The following SNTG1 variants were observed in gnomAD, a reference collection of about 807,000 sequenced individuals.
SNTG1 encodes syntrophin gamma 1, also known as gamma-1-syntrophin.
A neutral mutation model predicts 74.7 loss-of-function variants in SNTG1; 39 were observed. The ratio of observed to expected loss-of-function variants is 0.52; its 90% confidence interval spans 0.40 to 0.68. The LOEUF (loss-of-function observed/expected upper bound fraction) is 0.68. Among genes scored for constraint, SNTG1 ranks in the 30% least tolerant of loss-of-function variants. The probability of loss-of-function intolerance (pLI) is 0.00; values close to 1 mark genes in which losing one functional copy is unlikely to be tolerated. For synonymous variants in SNTG1, 254 were observed against 217.1 expected (o/e 1.17, Z -1.49); for missense variants, 685 against 609.5 (o/e 1.12, Z -1.30).
Position 50,658,571 on chromosome 8 carries a change from T to C in SNTG1, c.967-21T>C, listed in dbSNP as rs368995163. 10 of 1,535,414 alleles carry C rather than the reference T, an allele frequency of 6.5e-6. No homozygotes were observed. The African/African-American group carries it at 1.2e-4, about 19-fold the overall frequency. ...ATAACTTTCTAAAACAAATTAAACATTATTTTCTTATCTTTTAAAGGTGAC... is the reference window on the plus strand; with the variant it reads ...ATAACTTTCTAAAACAAATTAAACACTATTTTCTTATCTTTTAAAGGTGAC... On this transcript the variant is annotated intron_variant, in intron 14 of 18. Transcript: ENST00000642720.
intron 1 of SNTG1, among the ~76,000 whole-genome samples, chr8:50,032,928 T>G (rs1023062595): frequency 2.0e-5 from 3 of 152,128 alleles, no homozygotes; most frequent in Non-Finnish European, 4.4e-5. Flanking sequence ...TAATCATGCA[T>G]CAGATTTGTC....
chr8:50,035,083 G>A (rs901698546), intron 1 of SNTG1, among the ~76,000 whole-genome samples: 1 of 152,086 alleles, frequency 6.6e-6, no homozygotes, highest in Non-Finnish European at 1.5e-5. Context: ...CTTAGCTAAT[G>A]TGGGATTTCC....
chr8:50,325,836 G>C (rs2090722938), intron 2 of SNTG1, among the ~76,000 whole-genome samples: 1 of 151,842 alleles, frequency 6.6e-6, no homozygotes, highest in Non-Finnish European at 1.5e-5. Flanking sequence ...AAAAGCTTTT[G>C]GTTTTCTACC....
chr8:50,330,746 G>A (rs972607733), intron 2 of SNTG1, among the ~76,000 whole-genome samples: 6 of 152,160 alleles, frequency 3.9e-5, no homozygotes, highest in Admixed American at 3.3e-4. Context: ...AGAAGGGGAA[G>A]GGGGCACAGT....
chr8:50,053,890 C>A lies in SNTG1; in HGVS notation c.-102-118671C>A, dbSNP rs372680717. Among the ~76,000 whole-genome samples, 5 of 152,068 alleles carry A rather than the reference C, an allele frequency of 3.3e-5. No individual in the cohort carries two copies. The South Asian group carries it at 1.0e-3, about 32-fold the overall frequency. Reference sequence around the variant, plus strand: ...CTAAATCCATATTTCCTTTTTCAAGCAATTTTTGAAACACCAAAACTATTG... The same window carrying A: ...CTAAATCCATATTTCCTTTTTCAAGAAATTTTTGAAACACCAAAACTATTG... On this transcript the variant is annotated intron_variant, in intron 1 of 18. Coordinates refer to ENST00000642720, the MANE Select transcript of SNTG1 (RefSeq NM_018967.5).
At chr8:50,131,693 A>G (rs1312895490) in intron 1 of SNTG1, among the ~76,000 whole-genome samples, 2 of 152,104 alleles carry the variant, frequency 1.3e-5, no homozygotes, top group African/African-American at 2.4e-5. Flanking sequence ...TATTTTGTGG[A>G]TATATACTCA....
chr8:50,758,706 T>G (rs2095588347), intron 18 of SNTG1, among the ~76,000 whole-genome samples: 1 of 152,148 alleles, frequency 6.6e-6, no homozygotes. Flanking sequence ...CCACATTTTC[T>G]TTATCCAGTC....
chr8:49,929,838 G>A (rs1005378393), intron 1 of SNTG1, among the ~76,000 whole-genome samples: 5 of 150,248 alleles, frequency 3.3e-5, no homozygotes, highest in African/African-American at 9.8e-5. Flanking sequence ...CTAGCATTAG[G>A]TATATCTCCC....
chr8:50,475,608 C>A (rs1265915449), intron 8 of SNTG1, among the ~76,000 whole-genome samples: 1 of 152,114 alleles, frequency 6.6e-6, no homozygotes, highest in Non-Finnish European at 1.5e-5. Flanking sequence ...TCTTTACCGG[C>A]CTCCCAGTAA....
chr8:50,732,352 A>G (rs1244919809), intron 17 of SNTG1, among the ~76,000 whole-genome samples: 1 of 150,910 alleles, frequency 6.6e-6, no homozygotes, highest in Non-Finnish European at 1.5e-5. Flanking sequence ...GCGTGCTACA[A>G]ACAGTGAGGT....
At chr8:50,341,307 A>T (rs1414516741) in intron 2 of SNTG1, among the ~76,000 whole-genome samples, 3 of 151,946 alleles carry the variant, frequency 2.0e-5, no homozygotes, top group Non-Finnish European at 4.4e-5. Flanking sequence ...GACAAATAAG[A>T]GTTGGAGGAA....
intron 17 of SNTG1, among the ~76,000 whole-genome samples, chr8:50,744,936 A>G (rs554100612): frequency 1.3e-5 from 2 of 152,144 alleles, no homozygotes; most frequent in East Asian, 3.9e-4. Context: ...AAGAGTTAAA[A>G]TGATAAAACT....
At chr8:50,206,289 T>C (rs1382604290) in intron 2 of SNTG1, among the ~76,000 whole-genome samples, 3 of 152,190 alleles carry the variant, frequency 2.0e-5, no homozygotes, top group Admixed American at 2.0e-4. Flanking sequence ...TTCACATCCC[T>C]TGTCAGTTGG....
At chr8:50,248,006 C>T (rs187375416) in intron 2 of SNTG1, among the ~76,000 whole-genome samples, 2 of 152,166 alleles carry the variant, frequency 1.3e-5, no homozygotes, top group East Asian at 1.9e-4. Flanking sequence ...TGGTTATGGT[C>T]GTCTTCTCCC....
chr8:50,010,281 C>A (rs1251837712), intron 1 of SNTG1, among the ~76,000 whole-genome samples: 2 of 152,100 alleles, frequency 1.3e-5, no homozygotes, highest in African/African-American at 4.8e-5. Context: ...TTAATCCTCA[C>A]AAACTCCAAT....
chr8:50,166,513 A>G (rs2082619146), intron 1 of SNTG1, among the ~76,000 whole-genome samples: 1 of 16,688 alleles, frequency 6.0e-5, no homozygotes, highest in African/African-American at 4.6e-4. Context: ...CAAAAAACAC[A>G]TGAAAAAATG....
intron 2 of SNTG1, among the ~76,000 whole-genome samples, chr8:50,266,916 G>A (rs958746269): frequency 6.6e-6 from 1 of 151,860 alleles, no homozygotes; most frequent in Non-Finnish European, 1.5e-5. Flanking sequence ...CACTTGCTCA[G>A]ACATCTCTGT....
chr8:50,663,165 TA>T (rs1196514711), intron 15 of SNTG1, among the ~76,000 whole-genome samples: 1 of 152,126 alleles, frequency 6.6e-6, no homozygotes, highest in Non-Finnish European at 1.5e-5. Context: ...TGCCCAGAGC[TA>T]CAAAGAAGTA....
At chr8:50,064,333 AC>A (rs2130957143) in intron 1 of SNTG1, among the ~76,000 whole-genome samples, 1 of 151,818 alleles carries the variant, frequency 6.6e-6, no homozygotes, top group African/African-American at 2.4e-5. Flanking sequence ...TCTATACTTC[AC>A]TCCTCCTTTC....
Sources: gnomAD v4.1 joint callset for allele counts (sites outside exome capture counted in the v4.1 genomes callset) on GRCh38, gnomAD v4.1.1 for gene constraint, MANE v1.5 for transcripts, NCBI Gene and HGNC (gene_info 2026-07-23, HGNC 2026-07-21) for gene names.